FYN: variants seen among roughly 807,000 people sequenced by gnomAD.
FYN encodes FYN proto-oncogene, Src family tyrosine kinase.
A neutral mutation model predicts 70.2 loss-of-function variants in FYN; 10 were observed. The observed-to-expected ratio is 0.14, with a 90% CI of 0.09 to 0.24. The LOEUF (loss-of-function observed/expected upper bound fraction) is 0.24. Ranked by LOEUF, FYN falls within the 10% of genes least tolerant of loss-of-function variation. The probability of loss-of-function intolerance (pLI) is 1.00; values close to 1 mark genes in which losing one functional copy is unlikely to be tolerated. For synonymous variants in FYN, 236 were observed against 248.6 expected, an observed-to-expected ratio of 0.95 and a Z score of 0.48; for missense variants, 319 against 673.1, an observed-to-expected ratio of 0.47 and a Z score of 5.82.
chr6:111,723,574 CA>C (rs1270121897), intron 3 of FYN, among the ~76,000 whole-genome samples: 2 of 152,160 alleles, frequency 1.3e-5, no homozygotes, highest in African/African-American at 4.8e-5. Flanking sequence ...AAAAGTTAAT[CA>C]CAATGAAAAT....
intron 2 of FYN, among the ~76,000 whole-genome samples, chr6:111,789,630 A>T (rs561244247): frequency 1.2e-4 from 19 of 152,216 alleles, no homozygotes; most frequent in Non-Finnish European, 2.4e-4. Flanking sequence ...TATAATAATC[A>T]TGTCTTTCTT....
intron 2 of FYN, among the ~76,000 whole-genome samples, chr6:111,807,474 A>C (rs967520187): frequency 3.3e-5 from 5 of 152,166 alleles, no homozygotes; most frequent in African/African-American, 1.2e-4. Flanking sequence ...TGTATTTTTA[A>C]AGGATAGTTC....
intron 3 of FYN, among the ~76,000 whole-genome samples, chr6:111,741,566 T>G (rs1258077784): frequency 6.6e-6 from 1 of 151,792 alleles, no homozygotes; most frequent in African/African-American, 2.4e-5. Flanking sequence ...TAAACCAGTT[T>G]TTTTTCTTTT....
intron 2 of FYN, among the ~76,000 whole-genome samples, chr6:111,818,148 C>G (rs1438078803): frequency 6.6e-6 from 1 of 152,190 alleles, no homozygotes; most frequent in Non-Finnish European, 1.5e-5. Flanking sequence ...TAAGAATAAG[C>G]TATATATTTT....
intron 3 of FYN, among the ~76,000 whole-genome samples, chr6:111,740,341 G>T (rs1353356697): frequency 6.6e-6 from 1 of 152,120 alleles, no homozygotes; most frequent in Non-Finnish European, 1.5e-5. Context: ...ATACAATCTA[G>T]GCACTCAGAG....
At chr6:111,774,781 T>C (rs1031909443) in intron 3 of FYN, among the ~76,000 whole-genome samples, 17 of 152,048 alleles carry the variant, frequency 1.1e-4, no homozygotes, top group Non-Finnish European at 2.4e-4. Context: ...TGCAGTGACG[T>C]GATCTCGCCT....
At chr6:111,760,289 C>T (rs1392617004) in intron 3 of FYN, among the ~76,000 whole-genome samples, 1 of 152,086 alleles carries the variant, frequency 6.6e-6, no homozygotes, top group Non-Finnish European at 1.5e-5. Context: ...AGCAAACCCG[C>T]ACTGCTTGGA....
rs910843473 is a variant in FYN at position 111,873,344 on chromosome 6, C to A, written c.-499G>T. On this transcript the variant is annotated 5_prime_UTR_variant, in exon 1 of 14. Coordinates refer to ENST00000354650, the MANE Select transcript of FYN (RefSeq NM_002037.5). ...GGCTCGCGGCGACCCCTCCTCCTCG[C>A]CCGCGGCAGCCCCCTCCTCGCCGGC... 2.7e-5 allele frequency: 4 copies of A among 150,942 alleles called. No individual in the cohort carries two copies. The highest frequency in any genetic ancestry group is 9.7e-5 in the African/African-American group (4 of 41,256). The allele number at this position is 150,942 out of a possible 1,614,324, so 9.4% of individuals were successfully genotyped here.
chr6:111,678,274 C>T (rs1389404062), intron 12 of FYN, among the ~76,000 whole-genome samples: 2 of 152,036 alleles, frequency 1.3e-5, no homozygotes, highest in Admixed American at 1.3e-4. Context: ...AACTTGACAA[C>T]CTGGTGTTGT....
intron 2 of FYN, among the ~76,000 whole-genome samples, chr6:111,838,196 A>C (rs1167097011): frequency 6.6e-6 from 1 of 152,244 alleles, no homozygotes; most frequent in East Asian, 1.9e-4. Flanking sequence ...CCATGGGCTA[A>C]TATTTGGGTA....
At chr6:111,672,696 C>T (rs1798339402) in intron 13 of FYN, among the ~76,000 whole-genome samples, 1 of 152,194 alleles carries the variant, frequency 6.6e-6, no homozygotes, top group Non-Finnish European at 1.5e-5. Flanking sequence ...GCTAACAATG[C>T]CTAGCCTGAG....
At chr6:111,787,236 T>C (rs1178950962) in intron 2 of FYN, among the ~76,000 whole-genome samples, 1 of 152,172 alleles carries the variant, frequency 6.6e-6, no homozygotes, top group Non-Finnish European at 1.5e-5. Flanking sequence ...TTGAATTAAT[T>C]TTTCTGTAAG....
intron 2 of FYN, among the ~76,000 whole-genome samples, chr6:111,835,177 T>G (rs1480344823): frequency 6.6e-6 from 1 of 152,200 alleles, no homozygotes; most frequent in Non-Finnish European, 1.5e-5. Context: ...TCATTTCAAT[T>G]TTTCTCAACT....
intron 8 of FYN, among the ~76,000 whole-genome samples, chr6:111,700,498 G>A (rs1463774372): frequency 1.3e-5 from 2 of 152,106 alleles, no homozygotes; most frequent in South Asian, 2.1e-4. Context: ...CGCCACACAC[G>A]GAAACATTTT....
At chr6:111,861,093 A>C (rs1368126027) in intron 1 of FYN, among the ~76,000 whole-genome samples, 2 of 152,228 alleles carry the variant, frequency 1.3e-5, no homozygotes, top group Non-Finnish European at 2.9e-5. Flanking sequence ...TATCACCTGC[A>C]TGAAGAAAAG....
At chr6:111,778,430 C>T (rs574567245) in intron 3 of FYN, among the ~76,000 whole-genome samples, 1 of 152,122 alleles carries the variant, frequency 6.6e-6, no homozygotes, top group East Asian at 1.9e-4. Context: ...CAGGGAGGAA[C>T]AAGACCAAGT....
At chr6:111,712,797 T>C (rs706884) in intron 5 of FYN, among the ~76,000 whole-genome samples, 3,411 of 152,304 alleles carry the variant, frequency 0.022, 143 homozygotes, top group African/African-American at 0.077. Context: ...ACACTCTTCT[T>C]GACCTGGCTG....
chr6:111,768,155 C>T (rs571470836), intron 3 of FYN, among the ~76,000 whole-genome samples: 2 of 152,298 alleles, frequency 1.3e-5, no homozygotes, highest in African/African-American at 4.8e-5. Flanking sequence ...GGGATTCCTC[C>T]CTTTTTGCTC....
At chr6:111,704,917 C>T (rs188162695) in intron 6 of FYN, among the ~76,000 whole-genome samples, 109 of 152,070 alleles carry the variant, frequency 7.2e-4, no homozygotes, top group African/African-American at 2.6e-3. Flanking sequence ...AAAAAATTAG[C>T]TGGGTGTGGT....
Sources: allele counts gnomAD v4.1 joint callset (sites outside exome capture counted in the v4.1 genomes callset), GRCh38; gene constraint gnomAD v4.1.1; transcripts MANE v1.5; gene names NCBI Gene and HGNC (gene_info 2026-07-23, HGNC 2026-07-21).